Variants in RYR2 observed in about 807,000 individuals in gnomAD.
The protein encoded by RYR2 is ryanodine receptor 2.
Under a neutral mutation model 601.1 loss-of-function variants are expected in RYR2, and 227 were observed. That is an observed-to-expected ratio of 0.38 (90% CI 0.34 to 0.42). RYR2 has a LOEUF of 0.42. RYR2 is among the 10% of genes least tolerant of loss of function. RYR2 has a pLI of 1.00. For missense variants in RYR2, 4,646 were observed against 6,156.5 expected (o/e 0.75, Z 8.21); for synonymous variants, 2,223 against 2,175.1 (o/e 1.02, Z -0.61).
chr1:237,376,115 G>A (rs1358129209), intron 7 of RYR2, among the ~76,000 whole-genome samples: 1 of 151,976 alleles, frequency 6.6e-6, no homozygotes, highest in Non-Finnish European at 1.5e-5. Flanking sequence ...GCCAATAGTG[G>A]GTACACTATA....
chr1:237,446,208 C>T (rs1375985245), intron 14 of RYR2, among the ~76,000 whole-genome samples: 1 of 152,124 alleles, frequency 6.6e-6, no homozygotes, highest in African/African-American at 2.4e-5. Flanking sequence ...ACTGTTCTTC[C>T]ACCTAATAAT....
chr1:237,786,239 G>A (rs1314967088), intron 91 of RYR2, among the ~76,000 whole-genome samples: 2 of 152,158 alleles, frequency 1.3e-5, no homozygotes, highest in Non-Finnish European at 2.9e-5. Context: ...CCCCGGGGCT[G>A]CCAGTCTAGT....
At chr1:237,428,158 A>G (rs1192693703) in intron 12 of RYR2, among the ~76,000 whole-genome samples, 1 of 152,202 alleles carries the variant, frequency 6.6e-6, no homozygotes, top group African/African-American at 2.4e-5. Flanking sequence ...TGTTGGGAAT[A>G]TAAATTAGCT....
intron 2 of RYR2, among the ~76,000 whole-genome samples, chr1:237,285,784 C>T (rs2149399570): frequency 6.6e-6 from 1 of 152,212 alleles, no homozygotes; most frequent in South Asian, 2.1e-4. Flanking sequence ...ATTCATCTGT[C>T]TCTTCTAGGT....
chr1:237,116,403 C>T (rs984716260), intron 1 of RYR2, among the ~76,000 whole-genome samples: 1 of 152,108 alleles, frequency 6.6e-6, no homozygotes, highest in Non-Finnish European at 1.5e-5. Context: ...ATGTTCTCGT[C>T]TCATGCAGGA....
chr1:237,786,034 C>G lies in RYR2; in HGVS notation c.13326C>G (p.Ala4442=). ...KEETKSEPEK[A]EGEDGEKEEK... ...AAACCAAATCTGAACCTGAAAAAGC[C>G]GAGTATGTATAGTTTGCATATACTT... The change falls in exon 91 of 105, where the codon GCC becomes GCG. Residue 4442 remains alanine, a splice_region_variant and synonymous_variant. Transcript: ENST00000366574. 6.4e-7 allele frequency: 1 copy of G among 1,571,746 alleles called. No individual in the cohort carries two copies. Among genetic ancestry groups the G allele is most frequent in the Non-Finnish European group, 8.7e-7 (1 of 1,152,920 alleles).
intron 1 of RYR2, among the ~76,000 whole-genome samples, chr1:237,070,820 C>T (rs1177996190): frequency 6.6e-6 from 1 of 152,234 alleles, no homozygotes; most frequent in Non-Finnish European, 1.5e-5. Flanking sequence ...CAAGTGGCTT[C>T]TGCTGTGGGC....
intron 1 of RYR2, among the ~76,000 whole-genome samples, chr1:237,045,901 C>CTTTTTTTTTT (rs1660540855): frequency 3.3e-5 from 1 of 30,496 alleles, no homozygotes; most frequent in African/African-American, 1.3e-4. Flanking sequence ...TTTTTGAGTA[C>CTTTTTTTTTT]TTTGTCTTTC....
chr1:237,454,908 C>T (rs575800323), intron 15 of RYR2, among the ~76,000 whole-genome samples: 6 of 152,200 alleles, frequency 3.9e-5, no homozygotes, highest in Admixed American at 3.3e-4. Flanking sequence ...AGTGTCTGTA[C>T]GAATACAGGC....
intron 77 of RYR2, 130 bp from the exon 78 acceptor site, chr1:237,731,916 A>ACACACCCACC: frequency 1.7e-6 from 1 of 601,266 alleles, no homozygotes; most frequent in Non-Finnish European, 3.0e-6. Flanking sequence ...ACACACACAC[A>ACACACCCACC]CACCCCACAA....
chr1:237,487,885 T>C (rs1200517146), intron 17 of RYR2, among the ~76,000 whole-genome samples: 1 of 151,994 alleles, frequency 6.6e-6, no homozygotes, highest in Non-Finnish European at 1.5e-5. Context: ...GCTGTCAATG[T>C]TTTTCAACTA....
At chr1:237,527,649 A>G (rs573370907) in intron 24 of RYR2, among the ~76,000 whole-genome samples, 1 of 152,182 alleles carries the variant, frequency 6.6e-6, no homozygotes, top group East Asian at 1.9e-4. Context: ...TTATTCCCAC[A>G]TGTCTTCATC....
At chr1:237,280,604 G>T (rs553975589) in intron 2 of RYR2, among the ~76,000 whole-genome samples, 3 of 152,128 alleles carry the variant, frequency 2.0e-5, no homozygotes, top group Non-Finnish European at 4.4e-5. Context: ...CTAATATTTT[G>T]TGACTATCTT....
intron 74 of RYR2, among the ~76,000 whole-genome samples, chr1:237,724,454 G>C (rs547689843): frequency 6.6e-6 from 1 of 151,230 alleles, no homozygotes; most frequent in South Asian, 2.1e-4. Context: ...TCCCCCAAAC[G>C]TTAATAATTT....
intron 63 of RYR2, 121 bp from the exon 64 acceptor site, chr1:237,698,840 TAAAA>T (rs1455476570): frequency 1.8e-6 from 1 of 557,576 alleles, no homozygotes; most frequent in African/African-American, 1.9e-5. Flanking sequence ...ACTTGATTAT[TAAAA>T]AACCTTTTAA....
At chr1:237,694,166 C>T (rs1057235525) in intron 63 of RYR2, among the ~76,000 whole-genome samples, 4 of 151,758 alleles carry the variant, frequency 2.6e-5, no homozygotes, top group African/African-American at 7.2e-5. Context: ...TGGTGGCAGG[C>T]GCCTGTAGTC....
chr1:237,348,601 A>T (rs929321238), intron 3 of RYR2, among the ~76,000 whole-genome samples: 1 of 152,182 alleles, frequency 6.6e-6, no homozygotes, highest in Non-Finnish European at 1.5e-5. Flanking sequence ...TCTGCCCATC[A>T]TCTAGCTGCC....
intron 3 of RYR2, among the ~76,000 whole-genome samples, chr1:237,354,669 TC>T (rs1288970987): frequency 6.6e-6 from 1 of 152,030 alleles, no homozygotes; most frequent in African/African-American, 2.4e-5. Context: ...GATTCATCAC[TC>T]CGATAAGTTA....
At chr1:237,524,740 A>G (rs1048218527) in intron 24 of RYR2, among the ~76,000 whole-genome samples, 3 of 151,920 alleles carry the variant, frequency 2.0e-5, no homozygotes, top group Non-Finnish European at 4.4e-5. Context: ...ACATATATGT[A>G]TATACAGATA....
Sources: allele counts gnomAD v4.1 joint callset (sites outside exome capture counted in the v4.1 genomes callset), GRCh38; gene constraint gnomAD v4.1.1; transcripts MANE v1.5; gene names NCBI Gene and HGNC (gene_info 2026-07-23, HGNC 2026-07-21).